ARHGEF11: variants seen among roughly 807,000 people sequenced by gnomAD.
ARHGEF11 encodes the protein Rho guanine exchange factor (GEF) 11.
Under a neutral mutation model 193.7 loss-of-function variants are expected in ARHGEF11, and 55 were observed. The observed-to-expected ratio is 0.28, with a 90% CI of 0.23 to 0.36. ARHGEF11 has a LOEUF of 0.36. Among genes scored for constraint, ARHGEF11 ranks in the 10% least tolerant of loss-of-function variants. ARHGEF11 has a pLI of 1.00. For missense variants in ARHGEF11, 1,723 were observed against 2,005.6 expected, an observed-to-expected ratio of 0.86 and a Z score of 2.69; for synonymous variants, 693 against 768.0, an observed-to-expected ratio of 0.90 and a Z score of 1.62.
chr1:156,939,891 C>T lies in ARHGEF11; in HGVS notation c.3753G>A (p.Leu1251=). The T allele has an allele frequency of 6.2e-7, 1 of 1,605,994 alleles. No homozygotes were observed. Among genetic ancestry groups the T allele is most frequent in the Non-Finnish European group, 8.5e-7 (1 of 1,179,762 alleles). Residue 1251 remains leucine (L), a synonymous_variant, in exon 37 of 41, where the codon CTG becomes CTA. Transcript: ENST00000368194. The part of the protein sequence containing the change: ...ALEDVENLRH[L]ILWSLLPGHT... ...GACCTGGCAGCAGGCTCCACAGGAT[C>T]AGATGTCGCAGGTTCTCCACTGGAG...
At chr1:157,025,059 G>A (rs1670481781) in intron 1 of ARHGEF11, among the ~76,000 whole-genome samples, 1 of 152,158 alleles carries the variant, frequency 6.6e-6, no homozygotes, top group African/African-American at 2.4e-5. Context: ...GCACAGTGCA[G>A]GCACATCAAC....
intron 1 of ARHGEF11, among the ~76,000 whole-genome samples, chr1:156,997,791 G>C (rs781266892): frequency 8.6e-5 from 13 of 151,352 alleles, no homozygotes; most frequent in Non-Finnish European, 1.8e-4. Context: ...TTTTATATTA[G>C]AGTATTTTGA....
intron 13 of ARHGEF11, 53 bp downstream of exon 13, chr1:156,963,150 C>T (rs908480423): frequency 7.1e-6 from 10 of 1,413,090 alleles, no homozygotes; most frequent in Non-Finnish European, 1.0e-5. Context: ...GCTAGAGGTC[C>T]TCTCTGCCCA....
chr1:156,997,772 T>C (rs1411009574), intron 1 of ARHGEF11, among the ~76,000 whole-genome samples: 1 of 152,106 alleles, frequency 6.6e-6, no homozygotes, highest in Non-Finnish European at 1.5e-5. Context: ...GTAAAATATC[T>C]CAATAACTTT....
intron 1 of ARHGEF11, among the ~76,000 whole-genome samples, chr1:156,997,894 T>G (rs538353137): frequency 1.3e-5 from 2 of 152,136 alleles, no homozygotes; most frequent in Admixed American, 6.5e-5. Flanking sequence ...TTAAATTACA[T>G]GTGGTTTGCA....
chr1:156,992,319 G>A (rs1179365224), intron 1 of ARHGEF11, among the ~76,000 whole-genome samples: 2 of 152,166 alleles, frequency 1.3e-5, no homozygotes, highest in Non-Finnish European at 2.9e-5. Flanking sequence ...TTACAATGCA[G>A]CCCGCATTGG....
At chr1:156,981,648 A>G (rs139476867) in intron 3 of ARHGEF11, among the ~76,000 whole-genome samples, 44 of 150,372 alleles carry the variant, frequency 2.9e-4, no homozygotes, top group African/African-American at 1.0e-3. Flanking sequence ...TAATTTTTGT[A>G]TTTTTTGTAG....
At chr1:156,960,223 G>A (rs1437171048) in intron 15 of ARHGEF11, among the ~76,000 whole-genome samples, 195 bp downstream of exon 15, 1 of 152,158 alleles carries the variant, frequency 6.6e-6, no homozygotes, top group East Asian at 1.9e-4. Context: ...CGCCTAGGCA[G>A]GGTCTGTCCC....
rs1027373678 is a variant in ARHGEF11 at position 156,950,623 on chromosome 1, G to C, written c.1925+950C>G. Among the ~76,000 whole-genome samples the C allele has an allele frequency of 2.0e-5, 3 of 152,046 alleles. No individual in the cohort carries two copies. The South Asian group carries it at 6.2e-4, about 32-fold the overall frequency. ...CCACTGCAATCCAGCCTGGGTGACA[G>C]AGAAAGATCCTGTCTCTTTAAAAAA... is the stretch of plus-strand genomic sequence containing the variant. On this transcript the variant is annotated intron_variant, in intron 22 of 40. Transcript: ENST00000368194.
At chr1:156,957,643 C>T in intron 18 of ARHGEF11, 149 bp downstream of exon 18, 2 of 824,062 alleles carry the variant, frequency 2.4e-6, no homozygotes, top group South Asian at 3.0e-5. Context: ...CATACAGACA[C>T]CTGAGTGCTA....
chr1:156,958,958 G>C (rs1557860066), intron 16 of ARHGEF11, 88 bp downstream of exon 16: 2 of 1,602,198 alleles, frequency 1.2e-6, no homozygotes, highest in Non-Finnish European at 1.7e-6. Context: ...TATAACAAGA[G>C]ATATGTGCAC....
intron 4 of ARHGEF11, 75 bp from the exon 5 acceptor site, chr1:156,979,361 CTTTTTTTTTT>C (rs36031299): frequency 2.8e-5 from 14 of 507,252 alleles, no homozygotes; most frequent in South Asian, 4.9e-5. Context: ...CAAAATGCCA[CTTTTTTTTTT>C]TTTTTTTTTT....
chr1:157,016,710 G>A (rs1277386175), intron 1 of ARHGEF11, among the ~76,000 whole-genome samples: 1 of 152,194 alleles, frequency 6.6e-6, no homozygotes, highest in Non-Finnish European at 1.5e-5. Flanking sequence ...ATGTAGGAGT[G>A]TAGACAAAAT....
intron 1 of ARHGEF11, among the ~76,000 whole-genome samples, chr1:157,014,416 T>C (rs1475456503): frequency 6.6e-6 from 1 of 152,062 alleles, no homozygotes; most frequent in African/African-American, 2.4e-5. Flanking sequence ...TTTTTTTTTC[T>C]CCTCTTTTTG....
At chr1:156,955,159 G>C (rs1344309282) in intron 20 of ARHGEF11, among the ~76,000 whole-genome samples, 1 of 152,136 alleles carries the variant, frequency 6.6e-6, no homozygotes, top group African/African-American at 2.4e-5. Context: ...GTACTGACTG[G>C]GAGGGGCCAG....
intron 1 of ARHGEF11, among the ~76,000 whole-genome samples, chr1:157,033,815 T>C (rs886372605): frequency 2.0e-5 from 3 of 152,198 alleles, no homozygotes; most frequent in Non-Finnish European, 4.4e-5. Context: ...GCCTAGCTTT[T>C]ATTTTTTGGC....
chr1:157,039,912 G>A (rs1467025773), intron 1 of ARHGEF11, among the ~76,000 whole-genome samples: 1 of 152,184 alleles, frequency 6.6e-6, no homozygotes, highest in Non-Finnish European at 1.5e-5. Context: ...CCATTCCACA[G>A]AGGCTGTGAG....
At chr1:157,023,227 CA>C (rs1670208269) in intron 1 of ARHGEF11, among the ~76,000 whole-genome samples, 1 of 152,028 alleles carries the variant, frequency 6.6e-6, no homozygotes, top group Non-Finnish European at 1.5e-5. Context: ...AATTATTTGC[CA>C]ATCATATGTC....
intron 1 of ARHGEF11, among the ~76,000 whole-genome samples, chr1:157,001,323 T>C (rs540709611): frequency 3.3e-5 from 5 of 152,274 alleles, no homozygotes; most frequent in Admixed American, 2.0e-4. Flanking sequence ...ATACTTGATA[T>C]ACATAGTTGG....
Sources: gnomAD v4.1 joint callset for allele counts (sites outside exome capture counted in the v4.1 genomes callset) on GRCh38, gnomAD v4.1.1 for gene constraint, MANE v1.5 for transcripts, NCBI Gene and HGNC (gene_info 2026-07-23, HGNC 2026-07-21) for gene names.